The following SEMA6D variants were observed in gnomAD, a reference collection of about 807,000 sequenced individuals.
SEMA6D encodes the protein semaphorin-6D.
Under a neutral mutation model 106.6 loss-of-function variants are expected in SEMA6D, and 35 were observed. That is an observed-to-expected ratio of 0.33 (90% CI 0.25 to 0.44). The LOEUF is 0.44. SEMA6D is among the 20% of genes least tolerant of loss of function. SEMA6D has a pLI of 1.00. For missense variants in SEMA6D, 1,185 were observed against 1,345.9 expected (o/e 0.88, Z 1.87); for synonymous variants, 499 against 487.7 (o/e 1.02, Z -0.31).
chr15:47,266,893 A>G (rs1485809373), intron 1 of SEMA6D, among the ~76,000 whole-genome samples: 1 of 152,130 alleles, frequency 6.6e-6, no homozygotes, highest in African/African-American at 2.4e-5. Flanking sequence ...ATTTTTGAAT[A>G]AATGTTTTCT....
At chr15:47,514,652 A>C (rs1036055302) in intron 3 of SEMA6D, among the ~76,000 whole-genome samples, 1 of 152,144 alleles carries the variant, frequency 6.6e-6, no homozygotes, top group Non-Finnish European at 1.5e-5. Context: ...GCTTCTACTA[A>C]TACTTTCTTG....
At chr15:47,683,577 CTGAA>C (rs1189407665) in intron 4 of SEMA6D, among the ~76,000 whole-genome samples, 1 of 152,082 alleles carries the variant, frequency 6.6e-6, no homozygotes, top group Non-Finnish European at 1.5e-5. Context: ...ACTGTTTTAA[CTGAA>C]TGTGATATAT....
At chr15:47,629,820 C>T (rs1596481977) in intron 4 of SEMA6D, among the ~76,000 whole-genome samples, 2 of 151,914 alleles carry the variant, frequency 1.3e-5, no homozygotes, top group Non-Finnish European at 1.5e-5. Flanking sequence ...CTGTGCCTGG[C>T]TTATTTTACT....
chr15:47,361,722 T>C (rs2038814649), intron 1 of SEMA6D, among the ~76,000 whole-genome samples: 1 of 152,144 alleles, frequency 6.6e-6, no homozygotes, highest in Non-Finnish European at 1.5e-5. Context: ...TCGCACATGC[T>C]CTGGTGGGGG....
chr15:47,214,587 C>A (rs955761453), intron 1 of SEMA6D, among the ~76,000 whole-genome samples: 5 of 152,190 alleles, frequency 3.3e-5, no homozygotes, highest in African/African-American at 1.2e-4. Context: ...CTGTTCTTGT[C>A]TGCTTCCTTT....
At chr15:47,539,237 A>G (rs2045278289) in intron 3 of SEMA6D, among the ~76,000 whole-genome samples, 1 of 152,190 alleles carries the variant, frequency 6.6e-6, no homozygotes, top group Admixed American at 6.5e-5. Flanking sequence ...ATTTCTACTA[A>G]CGTGTTTACA....
chr15:47,420,295 T>C (rs2041111341), intron 2 of SEMA6D, among the ~76,000 whole-genome samples: 1 of 152,128 alleles, frequency 6.6e-6, no homozygotes, highest in Non-Finnish European at 1.5e-5. Context: ...ACAGACTAAC[T>C]GTGAAACTGA....
At chr15:47,311,496 T>A (rs1260308420) in intron 1 of SEMA6D, among the ~76,000 whole-genome samples, 3 of 152,222 alleles carry the variant, frequency 2.0e-5, no homozygotes, top group Non-Finnish European at 4.4e-5. Flanking sequence ...GGATTTTTTT[T>A]ACATATATTT....
chr15:47,730,546 T>C (rs2080050791), intron 1 of SEMA6D: 9 of 1,332,514 alleles, frequency 6.8e-6, no homozygotes, highest in African/African-American at 1.4e-5. Flanking sequence ...GGACAGGTGG[T>C]CTCTTCGTGG....
At chr15:47,350,809 A>G (rs1244881993) in intron 1 of SEMA6D, among the ~76,000 whole-genome samples, 1 of 152,210 alleles carries the variant, frequency 6.6e-6, no homozygotes, top group African/African-American at 2.4e-5. Flanking sequence ...TGTTAAGGAA[A>G]ACAGTATTAT....
intron 2 of SEMA6D, among the ~76,000 whole-genome samples, chr15:47,422,180 G>GCCTGCCTGCCTGCCTTCCTT (rs1455030787): frequency 8.2e-4 from 93 of 112,864 alleles, no homozygotes; most frequent in South Asian, 3.6e-3. Context: ...CCGCCTGCCT[G>GCCTGCCTGCCTGCCTTCCTT]CCTTCCTTCC....
intron 4 of SEMA6D, among the ~76,000 whole-genome samples, chr15:47,687,831 T>C (rs566561422): frequency 7.9e-4 from 121 of 152,230 alleles, no homozygotes; most frequent in African/African-American, 2.7e-3. Flanking sequence ...ATGATACTTA[T>C]ATTGAGATTT....
chr15:47,695,291 C>T lies in SEMA6D; in HGVS notation c.-54-64454C>T, dbSNP rs117205367. ...CCTTTAAGAATCTTGCTAGAATAGCCGTGCAAATTAATATTCTTTTCAGTG... is the reference window on the plus strand; with the variant it reads ...CCTTTAAGAATCTTGCTAGAATAGCTGTGCAAATTAATATTCTTTTCAGTG... On this transcript the variant is annotated intron_variant, in intron 4 of 19. Transcript: ENST00000558014. Among the ~76,000 whole-genome samples, 105 of 152,206 alleles carry T rather than the reference C, an allele frequency of 6.9e-4. No homozygotes were observed. In the East Asian group the frequency reaches 7.5e-3, roughly 11 times the overall value.
At chr15:47,345,239 A>G (rs2037997750) in intron 1 of SEMA6D, among the ~76,000 whole-genome samples, 1 of 149,978 alleles carries the variant, frequency 6.7e-6, no homozygotes, top group African/African-American at 2.4e-5. Context: ...CCATATGGAA[A>G]TAAAAAATGA....
chr15:47,627,908 C>T (rs976790409), intron 4 of SEMA6D, among the ~76,000 whole-genome samples: 2 of 152,052 alleles, frequency 1.3e-5, no homozygotes, highest in Non-Finnish European at 2.9e-5. Context: ...TTTGTCATTT[C>T]AAGAATGTTG....
chr15:47,627,115 G>A (rs1026245142), intron 4 of SEMA6D, among the ~76,000 whole-genome samples: 2 of 152,184 alleles, frequency 1.3e-5, no homozygotes, highest in African/African-American at 2.4e-5. Context: ...AGCCTTCTCA[G>A]ATGGCGGCCC....
chr15:47,279,544 C>G (rs36151307), intron 1 of SEMA6D, among the ~76,000 whole-genome samples: 63,916 of 145,396 alleles, frequency 0.44, 15,537 homozygotes, highest in Non-Finnish European at 0.56. Flanking sequence ...ATTGCCCTGG[C>G]CAGAACTTCC....
intron 1 of SEMA6D, among the ~76,000 whole-genome samples, chr15:47,236,664 A>T (rs756964207): frequency 8.5e-5 from 13 of 152,166 alleles, no homozygotes; most frequent in Non-Finnish European, 1.8e-4. Flanking sequence ...TATCAGAAAG[A>T]ATAATTGATT....
At chr15:47,575,580 A>G (rs146158199) in intron 3 of SEMA6D, among the ~76,000 whole-genome samples, 1 of 152,282 alleles carries the variant, frequency 6.6e-6, no homozygotes, top group African/African-American at 2.4e-5. Context: ...TTAGCTGGGC[A>G]TGGTGGCATA....
Sources: gnomAD v4.1 joint callset for allele counts (sites outside exome capture counted in the v4.1 genomes callset) on GRCh38, gnomAD v4.1.1 for gene constraint, MANE v1.5 for transcripts, NCBI Gene and HGNC (gene_info 2026-07-23, HGNC 2026-07-21) for gene names.